Variants in RALGAPB observed in about 807,000 individuals in gnomAD.
The protein encoded by RALGAPB is ral GTPase-activating protein subunit beta.
A neutral mutation model predicts 161.1 loss-of-function variants in RALGAPB; 25 were observed. The ratio of observed to expected loss-of-function variants is 0.16; its 90% CI spans 0.11 to 0.22. The LOEUF is 0.22. Among genes scored for constraint, RALGAPB ranks in the 10% least tolerant of loss-of-function variants. The pLI is 1.00. For synonymous variants in RALGAPB, 629 were observed against 626.1 expected (o/e 1.00, Z -0.07); for missense variants, 1,391 against 1,815.2 (o/e 0.77, Z 4.25).
intron 1 of RALGAPB, among the ~76,000 whole-genome samples, chr20:38,477,387 T>C (rs2084836636): frequency 1.3e-5 from 2 of 152,166 alleles, no homozygotes; most frequent in Non-Finnish European, 2.9e-5. Context: ...CAAACGTTCT[T>C]TGGGTAGCTT....
At chr20:38,520,528 T>A (rs1350998238) in intron 9 of RALGAPB, among the ~76,000 whole-genome samples, 3 of 149,950 alleles carry the variant, frequency 2.0e-5, no homozygotes, top group Non-Finnish European at 4.4e-5. Flanking sequence ...TTTTGGCTTT[T>A]TTTTTTTTTT....
chr20:38,546,280 G>C lies in RALGAPB; in HGVS notation c.2752G>C (p.Gly918Arg). 1 of 1,614,046 alleles carries C rather than the reference G, an allele frequency of 6.2e-7. No homozygotes were observed. The highest frequency in any genetic ancestry group is 8.5e-7 in the Non-Finnish European group (1 of 1,179,978). The part of the protein sequence containing the change: ...QLLGAFPSPS[G>R]PASPCSLVNE... ...GCTCGGCGCATTTCCTTCACCTAGT[G>C]GTCCTGCCTCTCCTTGTAGTCTTGT... The change falls in exon 19 of 30, where the codon GGT becomes CGT. Residue 918 changes from glycine to arginine, a missense_variant. Transcript: ENST00000262879.
At chr20:38,498,846 G>C (rs2085502014) in intron 4 of RALGAPB, among the ~76,000 whole-genome samples, 1 of 152,114 alleles carries the variant, frequency 6.6e-6, no homozygotes, top group South Asian at 2.1e-4. Flanking sequence ...TTGTCTCTCT[G>C]TCTCTCTCCC....
At position 38,574,826 on chromosome 20, in the gene RALGAPB, A is replaced by C; in HGVS notation, c.4344A>C (p.Glu1448Asp). The change falls in exon 30 of 30, where the codon GAA becomes GAC. Residue 1448 changes from glutamate (E) to aspartate (D), a missense_variant. Around this residue, in one of 3 missense-constraint regions of RALGAPB, gnomAD observed 436 missense variants for 527.0 expected, o/e 0.83. Transcript: ENST00000262879. ...ACATTTGTAGAAGAAAGAGACTGGA[A>C]AGTGACTCCTACAGTCCCCCCCATG... ...VINICRRKRL[E>D]SDSYSPPHVR... is the part of the protein sequence containing the mutation. 6.2e-7 allele frequency: 1 copy of C among 1,614,054 alleles called. No homozygotes were observed. Among genetic ancestry groups the C allele is most frequent in the Non-Finnish European group, 8.5e-7 (1 of 1,179,888 alleles).
At chr20:38,546,872 A>G (rs1026665866) in intron 19 of RALGAPB, 3 of 158,584 alleles carry the variant, frequency 1.9e-5, no homozygotes, top group Non-Finnish European at 4.2e-5. Flanking sequence ...ATTAGTTTCT[A>G]AGTTTCCATC....
At chr20:38,493,165 A>G (rs1157511637) in intron 3 of RALGAPB, 33 bp downstream of exon 3, 1 of 1,514,532 alleles carries the variant, frequency 6.6e-7, no homozygotes, top group Non-Finnish European at 9.1e-7. Context: ...GCCCATTATC[A>G]GGGTCATAGT....
At chr20:38,556,531 A>G (rs545418012) in intron 22 of RALGAPB, among the ~76,000 whole-genome samples, 1 of 152,292 alleles carries the variant, frequency 6.6e-6, no homozygotes, top group East Asian at 1.9e-4. Context: ...ATTAATGATT[A>G]TGTCTATGAT....
chr20:38,495,888 G>A (rs1243312234), intron 3 of RALGAPB, among the ~76,000 whole-genome samples: 1 of 152,124 alleles, frequency 6.6e-6, no homozygotes, highest in East Asian at 1.9e-4. Flanking sequence ...GCAAATACCT[G>A]GAAATGGTAG....
At chr20:38,560,501 G>C (rs1601057437) in intron 23 of RALGAPB, among the ~76,000 whole-genome samples, 1 of 152,174 alleles carries the variant, frequency 6.6e-6, no homozygotes, top group Non-Finnish European at 1.5e-5. Flanking sequence ...TATGCTTGGA[G>C]CTTAAGAGAA....
At chr20:38,523,010 C>T (rs1047154634) in intron 10 of RALGAPB, among the ~76,000 whole-genome samples, 1 of 152,116 alleles carries the variant, frequency 6.6e-6, no homozygotes, top group Non-Finnish European at 1.5e-5. Context: ...TTTCATTAGC[C>T]GGGCATGATG....
intron 5 of RALGAPB, among the ~76,000 whole-genome samples, chr20:38,505,988 C>G (rs2085750379): frequency 6.6e-6 from 1 of 152,068 alleles, no homozygotes; most frequent in Non-Finnish European, 1.5e-5. Context: ...CACAGCCAGT[C>G]AGAGATCAAA....
At position 38,574,949 on chromosome 20, in the gene RALGAPB, C is replaced by T. The variant is rs747599163; in HGVS notation, c.4467C>T (p.Leu1489=). 3 of 1,612,034 alleles carry T rather than the reference C, an allele frequency of 1.9e-6. No individual in the cohort carries two copies. Among genetic ancestry groups the T allele is most frequent in the South Asian group, 2.2e-5 (2 of 91,046 alleles). Reference sequence around the variant, plus strand: ...CTTCACTTTTCCAGGAGGTTGGACTCAAGAACTGCAGTTCTTAGACCACTG... The same window carrying T: ...CTTCACTTTTCCAGGAGGTTGGACTTAAGAACTGCAGTTCTTAGACCACTG... The part of the protein sequence containing the change: ...FYTSLFQEVG[L]KNCSS The change falls in exon 30 of 30, where the codon CTC becomes CTT. Residue 1489 remains leucine, a synonymous_variant. Transcript: ENST00000262879.
chr20:38,485,939 A>T, intron 1 of RALGAPB, among the ~76,000 whole-genome samples: 1 of 143,982 alleles, frequency 6.9e-6, no homozygotes. Flanking sequence ...GTTTTAGTTC[A>T]GCTTTTTCAT....
intron 3 of RALGAPB, among the ~76,000 whole-genome samples, chr20:38,495,385 T>C (rs1042027287): frequency 6.6e-6 from 1 of 152,222 alleles, no homozygotes; most frequent in Non-Finnish European, 1.5e-5. Flanking sequence ...TACTGTACTT[T>C]AGAAAAACAT....
intron 18 of RALGAPB, among the ~76,000 whole-genome samples, chr20:38,542,906 T>G (rs1436788515): frequency 6.6e-6 from 1 of 152,098 alleles, no homozygotes; most frequent in African/African-American, 2.4e-5. Context: ...GATGCATGTC[T>G]TAAAGAGTAA....
At chr20:38,525,001 G>C (rs2086414376) in intron 11 of RALGAPB, 56 bp downstream of exon 11, 2 of 1,498,368 alleles carry the variant, frequency 1.3e-6, no homozygotes, top group East Asian at 2.3e-5. Context: ...TGGTCTGTTG[G>C]TGCTTCCTCC....
At chr20:38,572,223 A>G (rs2088267096) in intron 28 of RALGAPB, among the ~76,000 whole-genome samples, 1 of 152,214 alleles carries the variant, frequency 6.6e-6, no homozygotes, top group Non-Finnish European at 1.5e-5. Flanking sequence ...AATTGGGTTA[A>G]AATTTGTTTT....
chr20:38,548,732 T>G lies in RALGAPB; in HGVS notation c.2946T>G (p.Ser982=). 3.1e-6 allele frequency: 5 copies of G among 1,614,102 alleles called. No individual in the cohort carries two copies. The highest frequency in any genetic ancestry group is 4.2e-6 in the Non-Finnish European group (5 of 1,179,944). ...PSVTVLVRGM[S]GRLAWAQQLC... is the part of the protein sequence containing the mutation. ...TCACTGTGCTGGTCCGGGGAATGTCTGGAAGACTTGCTTGGGCACAACAGC... is the reference window on the plus strand; with the variant it reads ...TCACTGTGCTGGTCCGGGGAATGTCGGGAAGACTTGCTTGGGCACAACAGC... Residue 982 remains serine (S), a synonymous_variant, in exon 20 of 30, where the codon TCT becomes TCG. Transcript: ENST00000262879.
Position 38,516,165 on chromosome 20 carries a change from GATTA to G in RALGAPB, c.873-23_873-20del, listed in dbSNP as rs761933945. ...TTGCTATAGAAATTTCTAAATTTGTGATTAATTCTTTCCTCTCTTTTAATAGTAA... is the reference window on the plus strand; with the variant it reads ...TTGCTATAGAAATTTCTAAATTTGTGATTCTTTCCTCTCTTTTAATAGTAA... On this transcript the variant is annotated intron_variant, in intron 6 of 29. Transcript: ENST00000262879. 116 of 1,512,942 alleles carry G rather than the reference GATTA, an allele frequency of 7.7e-5. No homozygotes were observed. In the Admixed American group the frequency reaches 2.0e-3, roughly 26 times the overall value. The allele number at this position is 1,512,942 out of a possible 1,614,324, so 93.7% of individuals were successfully genotyped here. A position where few individuals can be genotyped will look rare whatever the true frequency, so the allele number is the denominator to read the frequency against.
Sources: allele counts gnomAD v4.1 joint callset (sites outside exome capture counted in the v4.1 genomes callset), GRCh38; gene constraint gnomAD v4.1.1; regional missense constraint gnomAD v4.1.1; transcripts MANE v1.5; gene names NCBI Gene and HGNC (gene_info 2026-07-23, HGNC 2026-07-21).